Variants in KIAA1217 observed in about 807,000 individuals in gnomAD.
The protein encoded by KIAA1217 is sickle tail protein homolog.
Under a neutral mutation model 163.9 loss-of-function variants are expected in KIAA1217, and 88 were observed. The observed-to-expected ratio is 0.54, with a 90% CI of 0.45 to 0.64. The LOEUF is 0.64. Ranked by LOEUF, KIAA1217 falls within the 30% of genes least tolerant of loss-of-function variation. KIAA1217 has a pLI of 0.00. For synonymous variants in KIAA1217, 903 were observed against 923.1 expected, an observed-to-expected ratio of 0.98 and a Z score of 0.39; for missense variants, 2,372 against 2,475.0, an observed-to-expected ratio of 0.96 and a Z score of 0.88.
Position 23,727,570 on chromosome 10 carries a change from A to T in KIAA1217, c.-321+32336A>T, listed in dbSNP as rs76884394. Among the ~76,000 whole-genome samples the T allele has an allele frequency of 5.9e-3, 893 of 152,122 alleles. 4 individuals are homozygous for T. Among genetic ancestry groups the T allele is most frequent in the Non-Finnish European group, 8.6e-3 (583 of 67,978 alleles). ...ATGAGACTCTGTCTCAAAAAAATTT[A>T]AAAAAAAGTTGTTATGATGCACATA... is the stretch of plus-strand genomic sequence containing the variant. On this transcript the variant is annotated intron_variant, in intron 1 of 18. Transcript: ENST00000376462.
intron 3 of KIAA1217, among the ~76,000 whole-genome samples, chr10:24,416,429 GT>G (rs1394548599): frequency 1.3e-5 from 2 of 152,222 alleles, no homozygotes; most frequent in Non-Finnish European, 1.5e-5. Flanking sequence ...AGAAGGTTCT[GT>G]TCCTGGCTTT....
chr10:24,023,548 G>A (rs1847822688), intron 2 of KIAA1217, among the ~76,000 whole-genome samples: 5 of 151,552 alleles, frequency 3.3e-5, no homozygotes, highest in Non-Finnish European at 3.0e-5. Context: ...CGATATATAT[G>A]CAATTTCTGT....
intron 5 of KIAA1217, among the ~76,000 whole-genome samples, chr10:24,472,411 A>G (rs1001116677): frequency 6.6e-6 from 1 of 152,144 alleles, no homozygotes; most frequent in Non-Finnish European, 1.5e-5. Flanking sequence ...TCCCCCATGC[A>G]TCTCCTTTCC....
chr10:24,399,502 A>T (rs1469367814), intron 3 of KIAA1217, among the ~76,000 whole-genome samples: 2 of 152,204 alleles, frequency 1.3e-5, no homozygotes, highest in Non-Finnish European at 2.9e-5. Context: ...GAATTCTGAT[A>T]GTCTTTATTC....
At chr10:24,240,193 G>C (rs1373073849) in intron 2 of KIAA1217, among the ~76,000 whole-genome samples, 2 of 152,160 alleles carry the variant, frequency 1.3e-5, no homozygotes, top group Non-Finnish European at 2.9e-5. Context: ...GCTGAAAGGG[G>C]TTAGTTCAGA....
intron 2 of KIAA1217, among the ~76,000 whole-genome samples, chr10:24,180,654 C>A (rs192581999): frequency 6.6e-6 from 1 of 152,178 alleles, no homozygotes; most frequent in Non-Finnish European, 1.5e-5. Flanking sequence ...TCTCCCCAGA[C>A]CTCCAGCTAT....
chr10:23,748,756 G>A (rs1394860127), intron 1 of KIAA1217, among the ~76,000 whole-genome samples: 2 of 151,900 alleles, frequency 1.3e-5, no homozygotes, highest in Non-Finnish European at 2.9e-5. Context: ...GTCCTGTGAG[G>A]TTCATGCTGT....
intron 1 of KIAA1217, among the ~76,000 whole-genome samples, chr10:23,790,549 ATACATATG>A (rs1437580351): frequency 1.6e-4 from 17 of 104,538 alleles, no homozygotes; most frequent in African/African-American, 6.4e-4. Context: ...ATGTGCATAT[ATACATATG>A]TACATATGTA....
At chr10:24,116,714 C>T (rs971984363) in intron 2 of KIAA1217, among the ~76,000 whole-genome samples, 2 of 152,116 alleles carry the variant, frequency 1.3e-5, no homozygotes, top group Admixed American at 1.3e-4. Context: ...GCTCCGCACA[C>T]ACAATTTACA....
In KIAA1217 at chr10:24,229,985, A is replaced by T. The variant is rs1223331570; in HGVS notation, c.354+10076A>T. 5.9e-4 allele frequency among the ~76,000 whole-genome samples: 90 copies of T among 152,318 alleles called. 3 individuals are homozygous for T. The highest frequency in any genetic ancestry group is 2.9e-5 in the Non-Finnish European group (2 of 68,040). On this transcript the variant is annotated intron_variant, in intron 2 of 20. Transcript: ENST00000376454. ...CTACCTATTCCTCAAAAACGTATAG[A>T]AATAAAAAATAAATAAATAAAATAT...
intron 2 of KIAA1217, among the ~76,000 whole-genome samples, chr10:24,148,347 A>C (rs987708265): frequency 5.3e-5 from 8 of 152,296 alleles, no homozygotes; most frequent in Admixed American, 3.3e-4. Flanking sequence ...CTAAAAAAAA[A>C]CCTAAAGTTA....
rs372012492 is a variant in KIAA1217 at position 24,402,516 on chromosome 10, C to CAAAAAAAAAAA, written c.553+21455_553+21456insAAAAAAAAAAA. Among the ~76,000 whole-genome samples, 20 of 92,964 alleles carry CAAAAAAAAAAA rather than the reference C, an allele frequency of 2.2e-4. 1 individual carries two copies. Among genetic ancestry groups the CAAAAAAAAAAA allele is most frequent in the African/African-American group, 3.9e-4 (9 of 23,026 alleles). 61.0% of individuals were successfully genotyped at this position (92,964 alleles called of 152,430 possible). ...AAGGCAAGACTCCCTCTCAAAAAAA[C>CAAAAAAAAAAA]AAAAAACAAAACAAAAAAAAAAAAA... On this transcript the variant is annotated intron_variant, in intron 3 of 20. Coordinates refer to ENST00000376454, the MANE Select transcript of KIAA1217 (RefSeq NM_019590.5).
At chr10:24,292,943 A>G (rs1033276051) in intron 2 of KIAA1217, among the ~76,000 whole-genome samples, 2 of 152,180 alleles carry the variant, frequency 1.3e-5, no homozygotes, top group Non-Finnish European at 2.9e-5. Flanking sequence ...CTAGTACTTC[A>G]CTTGCAGCAC....
rs555524223 is a variant in KIAA1217 at position 23,734,450 on chromosome 10, C to A, written c.-321+39216C>A. ...TACAGGTGCATGCCACAACGCCTGG[C>A]TAATTTTTTTGTATTTTTACTGGAG... is the stretch of plus-strand genomic sequence containing the variant. On this transcript the variant is annotated intron_variant, in intron 1 of 18. Coordinates refer to the KIAA1217 transcript ENST00000376462. 5.9e-5 allele frequency among the ~76,000 whole-genome samples: 9 copies of A among 151,994 alleles called. No individual in the cohort carries two copies. The East Asian group carries it at 1.6e-3, about 26-fold the overall frequency.
intron 2 of KIAA1217, among the ~76,000 whole-genome samples, chr10:24,133,494 C>T (rs1427547323): frequency 1.3e-5 from 2 of 151,776 alleles, no homozygotes; most frequent in African/African-American, 4.8e-5. Flanking sequence ...ATCACTTGAG[C>T]CCAGGAGGCA....
intron 1 of KIAA1217, among the ~76,000 whole-genome samples, chr10:23,735,296 C>T (rs1192826363): frequency 6.6e-6 from 1 of 151,866 alleles, no homozygotes; most frequent in Admixed American, 6.6e-5. Flanking sequence ...TACAGTGGTG[C>T]GATCTCAGCT....
chr10:24,437,152 G>A (rs578214843), intron 4 of KIAA1217, among the ~76,000 whole-genome samples: 12 of 152,094 alleles, frequency 7.9e-5, no homozygotes, highest in East Asian at 1.9e-4. Context: ...AGTTTTTCAC[G>A]TCCTCGCCTG....
chr10:24,421,631 A>G (rs2058739440), intron 3 of KIAA1217, among the ~76,000 whole-genome samples: 1 of 152,214 alleles, frequency 6.6e-6, no homozygotes, highest in Admixed American at 6.5e-5. Context: ...GGTTTTTGCT[A>G]AACATAAGAA....
chr10:23,748,173 C>G (rs1180711025), intron 1 of KIAA1217, among the ~76,000 whole-genome samples: 6 of 152,156 alleles, frequency 3.9e-5, no homozygotes, highest in East Asian at 1.9e-4. Context: ...CTCCCTCACT[C>G]CCTCTCTCCA....
Sources: gnomAD v4.1 joint callset for allele counts (sites outside exome capture counted in the v4.1 genomes callset) on GRCh38, gnomAD v4.1.1 for gene constraint, MANE v1.5 for transcripts, NCBI Gene and HGNC (gene_info 2026-07-23, HGNC 2026-07-21) for gene names.